The following BMERB1 variants were observed in gnomAD, a reference collection of about 807,000 sequenced individuals.
The protein encoded by BMERB1 is bMERB domain-containing protein 1.
In BMERB1, 12 loss-of-function variants were observed where a neutral mutation model predicts 23.6. The ratio of observed to expected loss-of-function variants is 0.51; its 90% CI spans 0.33 to 0.82. BMERB1 has a LOEUF of 0.82. Among genes scored for constraint, BMERB1 ranks in the 40% least tolerant of loss-of-function variants. The pLI is 0.03. For missense variants in BMERB1, 247 were observed against 255.4 expected (o/e 0.97, Z 0.22); for synonymous variants, 122 against 96.6 (o/e 1.26, Z -1.54).
chr16:15,525,401 C>G (rs2051896265), intron 2 of BMERB1, among the ~76,000 whole-genome samples: 1 of 152,060 alleles, frequency 6.6e-6, no homozygotes, highest in African/African-American at 2.4e-5. Context: ...GAGCCAATTC[C>G]TTATCATAAA....
At chr16:15,464,944 T>A (rs1312744245) in intron 1 of BMERB1, among the ~76,000 whole-genome samples, 1 of 152,154 alleles carries the variant, frequency 6.6e-6, no homozygotes, top group African/African-American at 2.4e-5. Flanking sequence ...ATTTTACCCT[T>A]ATTCAAGATG....
intron 2 of BMERB1, among the ~76,000 whole-genome samples, chr16:15,521,088 A>T (rs898439559): frequency 2.0e-5 from 3 of 151,992 alleles, no homozygotes. Flanking sequence ...GTAAACTCCT[A>T]GTTTTAGTTG....
In BMERB1 at chr16:15,475,714, GAGAATC is replaced by G. The variant is rs1488810624; in HGVS notation, c.107-39588_107-39583del. 2.6e-5 allele frequency among the ~76,000 whole-genome samples: 4 copies of G among 152,166 alleles called. No homozygotes were observed. The East Asian group carries it at 7.7e-4, about 29-fold the overall frequency. ...ACCTCCTTCCACTGGGTGGGGGATG[GAGAATC>G]AGCTCTCAATTTGTTCCCACCCATG... On this transcript the variant is annotated intron_variant, in intron 1 of 5. Coordinates refer to ENST00000300006, the MANE Select transcript of BMERB1 (RefSeq NM_033201.3).
intron 2 of BMERB1, among the ~76,000 whole-genome samples, chr16:15,545,802 T>G (rs1051947420): frequency 3.9e-5 from 6 of 152,170 alleles, no homozygotes; most frequent in Admixed American, 1.3e-4. Flanking sequence ...TAATAATGAC[T>G]GACACAGTGA....
intron 1 of BMERB1, among the ~76,000 whole-genome samples, chr16:15,513,750 CG>C (rs2051705885): frequency 6.6e-6 from 1 of 151,854 alleles, no homozygotes; most frequent in South Asian, 2.1e-4. Context: ...AAAAATTAGC[CG>C]GGTGTCGTGG....
intron 1 of BMERB1, among the ~76,000 whole-genome samples, chr16:15,465,680 G>A (rs1452097769): frequency 6.6e-6 from 1 of 152,066 alleles, no homozygotes; most frequent in Admixed American, 6.6e-5. Flanking sequence ...GTCCTTTTTA[G>A]AAAAATAAAA....
chr16:15,553,393 C>T (rs2030153205), intron 2 of BMERB1, among the ~76,000 whole-genome samples: 1 of 152,196 alleles, frequency 6.6e-6, no homozygotes, highest in East Asian at 1.9e-4. Context: ...GAGGATTGCT[C>T]TAGCCAGGAG....
Position 15,455,272 on chromosome 16 carries a change from C to T in BMERB1, c.106+20513C>T, listed in dbSNP as rs1310694912. Among the ~76,000 whole-genome samples, 4 of 147,260 alleles carry T rather than the reference C, an allele frequency of 2.7e-5. No homozygotes were observed. The Admixed American group carries it at 2.8e-4, about 10-fold the overall frequency. ...CCGGGAGATGGAGGTTGCAGTGAGC[C>T]GAGATGGCGCAACTGCACTCCAGCC... On this transcript the variant is annotated intron_variant, in intron 1 of 5. Coordinates refer to ENST00000300006, the MANE Select transcript of BMERB1 (RefSeq NM_033201.3).
At chr16:15,584,637 G>C (rs2031097524) in intron 5 of BMERB1, among the ~76,000 whole-genome samples, 1 of 151,914 alleles carries the variant, frequency 6.6e-6, no homozygotes. Flanking sequence ...ATTTGTTGGA[G>C]AAAGAGCAAC....
chr16:15,516,080 G>A lies in BMERB1; in HGVS notation c.230+652G>A, dbSNP rs369585193. Reference sequence around the variant, plus strand: ...TTCAAGGCTGCAGTGAGCTATGATCGCATCACCACACTCCATCTTGGGTGA... The same window carrying A: ...TTCAAGGCTGCAGTGAGCTATGATCACATCACCACACTCCATCTTGGGTGA... On this transcript the variant is annotated intron_variant, in intron 2 of 5. Transcript: ENST00000300006. Among the ~76,000 whole-genome samples, 4 of 151,886 alleles carry A rather than the reference G, an allele frequency of 2.6e-5. No homozygotes were observed. The East Asian group carries it at 5.8e-4, about 22-fold the overall frequency.
chr16:15,550,995 C>T (rs1227526335), intron 2 of BMERB1, among the ~76,000 whole-genome samples: 2 of 152,146 alleles, frequency 1.3e-5, no homozygotes, highest in African/African-American at 4.8e-5. Flanking sequence ...GGACGCCACA[C>T]AGTGGCAGGA....
At chr16:15,585,102 G>A (rs1358750259) in intron 5 of BMERB1, among the ~76,000 whole-genome samples, 1 of 152,186 alleles carries the variant, frequency 6.6e-6, no homozygotes, top group African/African-American at 2.4e-5. Context: ...ATGGTTGGAG[G>A]GAGTAAGGAA....
chr16:15,542,834 G>A (rs1326096289), intron 2 of BMERB1, among the ~76,000 whole-genome samples: 2 of 152,118 alleles, frequency 1.3e-5, no homozygotes, highest in African/African-American at 2.4e-5. Flanking sequence ...CTTGCAGGAG[G>A]GGGAGCATGC....
intron 1 of BMERB1, among the ~76,000 whole-genome samples, chr16:15,473,986 G>T (rs959415448): frequency 6.6e-6 from 1 of 151,936 alleles, no homozygotes; most frequent in Non-Finnish European, 1.5e-5. Flanking sequence ...CGGGCGTGGT[G>T]GCAGGTGCCT....
intron 4 of BMERB1, 141 bp from the exon 5 acceptor site, chr16:15,583,015 C>T: frequency 1.4e-6 from 1 of 696,654 alleles, no homozygotes; most frequent in Non-Finnish European, 2.6e-6. Context: ...CATATACATA[C>T]TGTACACGCA....
intron 1 of BMERB1, among the ~76,000 whole-genome samples, chr16:15,505,019 C>G (rs558641053): frequency 2.6e-5 from 4 of 152,106 alleles, no homozygotes; most frequent in African/African-American, 9.7e-5. Context: ...TGGCTGATTC[C>G]TCTTTGAGTA....
chr16:15,575,098 A>T (rs148498354), intron 3 of BMERB1, among the ~76,000 whole-genome samples: 4 of 152,088 alleles, frequency 2.6e-5, no homozygotes, highest in Admixed American at 6.5e-5. Context: ...AATAAATAAA[A>T]ATAATAAAAA....
At chr16:15,434,949 C>T (rs991017220) in intron 1 of BMERB1, among the ~76,000 whole-genome samples, 190 bp downstream of exon 1, 2 of 152,242 alleles carry the variant, frequency 1.3e-5, no homozygotes, top group South Asian at 2.1e-4. Context: ...AAGGGGGGGA[C>T]CCTCCGGGCT....
At chr16:15,502,723 C>CT (rs1481564168) in intron 1 of BMERB1, among the ~76,000 whole-genome samples, 4 of 152,108 alleles carry the variant, frequency 2.6e-5, no homozygotes, top group Admixed American at 2.6e-4. Flanking sequence ...TCAAGACTCT[C>CT]TTTTGGGTCA....
Sources: gnomAD v4.1 joint callset for allele counts (sites outside exome capture counted in the v4.1 genomes callset) on GRCh38, gnomAD v4.1.1 for gene constraint, MANE v1.5 for transcripts, NCBI Gene and HGNC (gene_info 2026-07-23, HGNC 2026-07-21) for gene names.